The following ZNF805 variants were observed in gnomAD, a reference collection of about 807,000 sequenced individuals.
The protein encoded by ZNF805 is CTC-444N24.8.
ZNF805 carries 7 observed loss-of-function variants against 13.6 expected under a neutral mutation model. The ratio of observed to expected loss-of-function variants is 0.51; its 90% CI spans 0.29 to 0.97. The LOEUF is 0.97. Among genes scored for constraint, ZNF805 ranks in the 50% least tolerant of loss-of-function variants. The probability of loss-of-function intolerance (pLI) is 0.08; values close to 1 mark genes in which losing one functional copy is unlikely to be tolerated. For missense variants in ZNF805, 604 were observed against 771.0 expected, an observed-to-expected ratio of 0.78 and a Z score of 2.57; for synonymous variants, 293 against 279.8, an observed-to-expected ratio of 1.05 and a Z score of -0.47.
chr19:57,253,109 C>A lies in ZNF805; in HGVS notation c.290C>A (p.Thr97Asn). The change falls in exon 4 of 4, where the codon ACC becomes AAC. Residue 97 changes from threonine to asparagine, a missense_variant. Thr to Asn is a moderately conservative substitution (Grantham distance 65). This residue lies in a region of ZNF805 where 327 missense variants were observed against 378.2 expected (regional missense o/e 0.86). Coordinates refer to ENST00000414468, the MANE Select transcript of ZNF805 (RefSeq NM_001023563.4). This position sits in a 1 kb window ranked among gnomAD's most constrained non-coding sequence, Gnocchi z 4.4. ...AAACCCAAGAGCACAGAACCTACCA[C>A]CTGTGAGCTAGCCTTGTCTGAAGGA... ...KGKPKSTEPTTCELALSEGIS... is the reference protein window; with the variant it reads ...KGKPKSTEPTNCELALSEGIS... 6.7e-7 allele frequency: 1 copy of A among 1,497,496 alleles called. No individual in the cohort carries two copies. The highest frequency in any genetic ancestry group is 8.9e-7 in the Non-Finnish European group (1 of 1,126,936). 92.8% of individuals were successfully genotyped at this position (1,497,496 alleles called of 1,614,324 possible).
At chr19:57,248,125 G>A (rs546135944) in intron 2 of ZNF805, among the ~76,000 whole-genome samples, 3 of 151,956 alleles carry the variant, frequency 2.0e-5, no homozygotes, top group South Asian at 2.1e-4. Context: ...AGCGGAGATC[G>A]CGCCACTGCA....
In ZNF805 at chr19:57,253,793, G is replaced by C; in HGVS notation, c.974G>C (p.Arg325Pro). 6.2e-7 allele frequency: 1 copy of C among 1,614,002 alleles called. No individual in the cohort carries two copies. Among genetic ancestry groups the C allele is most frequent in the African/African-American group, 1.3e-5 (1 of 74,966 alleles). The change falls in exon 4 of 4, where the codon CGA (arginine) becomes CCA (proline). Residue 325 changes from arginine to proline, a missense_variant. Arg to Pro is a moderately radical substitution (Grantham distance 103). Coordinates refer to ENST00000414468, the MANE Select transcript of ZNF805 (RefSeq NM_001023563.4). The surrounding 1 kb of genome is among the most constrained non-coding windows in gnomAD (Gnocchi z 4.4). ...FVCKECGKAFRDRPGFIRHYI... is the reference protein window; with the variant it reads ...FVCKECGKAFPDRPGFIRHYI... Reference sequence around the variant, plus strand: ...TGCAAAGAGTGTGGCAAAGCCTTTCGAGATAGGCCAGGTTTCATTCGACAC... The same window carrying C: ...TGCAAAGAGTGTGGCAAAGCCTTTCCAGATAGGCCAGGTTTCATTCGACAC...
chr19:57,249,534 C>A (rs1287874420), intron 3 of ZNF805, among the ~76,000 whole-genome samples: 1 of 152,232 alleles, frequency 6.6e-6, no homozygotes, highest in Non-Finnish European at 1.5e-5. Flanking sequence ...TCAAAATAAG[C>A]TATGAGTGTT....
At chr19:57,252,151 G>A (rs554557705) in intron 3 of ZNF805, among the ~76,000 whole-genome samples, 1 of 152,198 alleles carries the variant, frequency 6.6e-6, no homozygotes, top group Admixed American at 6.5e-5. Context: ...TTCTCCTAAG[G>A]CTATAGTGTC....
intron 2 of ZNF805, 148 bp downstream of exon 2, chr19:57,244,197 T>TC: frequency 1.5e-6 from 1 of 655,214 alleles, no homozygotes; most frequent in Non-Finnish European, 2.2e-6. Flanking sequence ...ACTCACCTCT[T>TC]CCTTTTTTTT....
chr19:57,250,618 G>A (rs1457302838), intron 3 of ZNF805, among the ~76,000 whole-genome samples: 4 of 152,188 alleles, frequency 2.6e-5, no homozygotes, highest in Non-Finnish European at 4.4e-5. Flanking sequence ...TATCTGCTTT[G>A]TGCCTCTGGT....
In ZNF805 at chr19:57,253,208, G is replaced by C; in HGVS notation, c.389G>C (p.Gly130Ala). 1 of 1,561,488 alleles carries C rather than the reference G, an allele frequency of 6.4e-7. No individual in the cohort carries two copies. Among genetic ancestry groups the C allele is most frequent in the African/African-American group, 1.4e-5 (1 of 73,548 alleles). The change falls in exon 4 of 4, where the codon GGG becomes GCG. Residue 130 changes from glycine to alanine, a missense_variant. Transcript: ENST00000414468. This position sits in a 1 kb window ranked among gnomAD's most constrained non-coding sequence, Gnocchi z 4.4. The stretch of plus-strand genomic sequence containing the variant: ...TTGGGGCAACCCAAGGATCAGGATG[G>C]GTTTTCAGAAATGCAGGGAGAACGC... Reference protein sequence around the residue: ...SQLGQPKDQDGFSEMQGERLR... With the variant: ...SQLGQPKDQDAFSEMQGERLR...
At position 57,253,517 on chromosome 19, in the gene ZNF805, GCA is replaced by G. The variant is rs1488295341; in HGVS notation, c.701_702del (p.Thr234ArgfsTer7). On this transcript the variant is annotated frameshift_variant, in exon 4 of 4. Transcript: ENST00000414468. LOFTEE classifies it high-confidence loss of function. This position sits in a 1 kb window ranked among gnomAD's most constrained non-coding sequence, Gnocchi z 4.4. ...CACTCTGGAGTGAAGCCCTATGAAT[GCA>G]CAGAGTGTGGAAAAACCTTTAGCAA... The G allele has an allele frequency of 1.9e-6, 3 of 1,611,340 alleles. No individual in the cohort carries two copies. Among genetic ancestry groups the G allele is most frequent in the Non-Finnish European group, 2.5e-6 (3 of 1,178,602 alleles).
intron 3 of ZNF805, among the ~76,000 whole-genome samples, chr19:57,249,505 A>G (rs2122836661): frequency 6.6e-6 from 1 of 152,372 alleles, no homozygotes; most frequent in South Asian, 2.1e-4. Flanking sequence ...ATAGTTTCTG[A>G]GCCATAGTAA....
intron 2 of ZNF805, among the ~76,000 whole-genome samples, chr19:57,246,826 A>G (rs1568488418): frequency 6.6e-6 from 1 of 151,728 alleles, no homozygotes; most frequent in Middle Eastern, 3.5e-3. Context: ...TCCCCAGAGC[A>G]CTGATTGGGT....
At chr19:57,244,732 C>T (rs186223808) in intron 2 of ZNF805, among the ~76,000 whole-genome samples, 23 of 152,306 alleles carry the variant, frequency 1.5e-4, no homozygotes, top group Non-Finnish European at 2.8e-4. Flanking sequence ...GCTCATGTCA[C>T]TGTCTACTCT....
chr19:57,240,761 G>C lies in ZNF805; in HGVS notation c.-131G>C, dbSNP rs1232784261. ...CTCGGAGCGAACCGTGAGCCTCCCC[G>C]TAACGAGAGAGTTTGACTGTCAGCC... is the stretch of plus-strand genomic sequence containing the variant. On this transcript the variant is annotated 5_prime_UTR_variant, in exon 1 of 4. Transcript: ENST00000414468. 1 of 824,320 alleles carries C rather than the reference G, an allele frequency of 1.2e-6. No homozygotes were observed. Among genetic ancestry groups the C allele is most frequent in the Non-Finnish European group, 1.8e-6 (1 of 544,046 alleles). 51.1% of individuals were successfully genotyped at this position (824,320 alleles called of 1,614,324 possible).
Position 57,253,373 on chromosome 19 carries a change from G to C in ZNF805, c.554G>C (p.Cys185Ser). ...RVSLGDDVHD[C>S]DSHGSGKNPV... ...TCCTTAGGAGATGATGTCCATGACT[G>C]TGACTCACATGGATCAGGTAAAAAT... is the stretch of plus-strand genomic sequence containing the variant. Residue 185 changes from cysteine to serine, a missense_variant, in exon 4 of 4, where the codon TGT becomes TCT. Physicochemically the swap from Cys to Ser is moderately radical, Grantham distance 112. Transcript: ENST00000414468. The surrounding 1 kb of genome is among the most constrained non-coding windows in gnomAD (Gnocchi z 4.4). 6.4e-7 allele frequency: 1 copy of C among 1,562,240 alleles called. No homozygotes were observed. The highest frequency in any genetic ancestry group is 8.7e-7 in the Non-Finnish European group (1 of 1,152,746).
At position 57,240,676 on chromosome 19, in the gene ZNF805, C is replaced by A; in HGVS notation, c.-216C>A. ...CTAGGGAGGGGGCGGTGTTCCGTGG[C>A]CGCCTCCCTGGCGGCGCTGGGGAAA... On this transcript the variant is annotated 5_prime_UTR_variant, in exon 1 of 4. Coordinates refer to ENST00000414468, the MANE Select transcript of ZNF805 (RefSeq NM_001023563.4). 1 of 519,354 alleles carries A rather than the reference C, an allele frequency of 1.9e-6. No homozygotes were observed. Among genetic ancestry groups the A allele is most frequent in the Non-Finnish European group, 3.4e-6 (1 of 292,200 alleles). The allele number at this position is 519,354 out of a possible 1,614,324, so 32.2% of individuals were successfully genotyped here.
chr19:57,259,513 TTTG>T lies in ZNF805; in HGVS notation c.*4813_*4815del, dbSNP rs1269982148. Among the ~76,000 whole-genome samples the T allele has an allele frequency of 6.6e-6, 1 of 152,204 alleles. No homozygotes were observed. Among genetic ancestry groups the T allele is most frequent in the African/African-American group, 2.4e-5 (1 of 41,452 alleles). On this transcript the variant is annotated 3_prime_UTR_variant, in exon 4 of 4. Coordinates refer to ENST00000414468, the MANE Select transcript of ZNF805 (RefSeq NM_001023563.4). ...TTCCATTTGTTTTGTTTTGTTTTGT[TTTG>T]TTTTTTTGAGACAGACTCTTTGCTC...
At chr19:57,249,741 A>G (rs2087640398) in intron 3 of ZNF805, among the ~76,000 whole-genome samples, 3 of 150,658 alleles carry the variant, frequency 2.0e-5, no homozygotes, top group South Asian at 2.1e-4. Context: ...ATGTCTTCCT[A>G]TATCTCCTGT....
intron 1 of ZNF805, 68 bp from the exon 2 acceptor site, chr19:57,243,855 C>T (rs1599985221): frequency 3.1e-6 from 5 of 1,609,568 alleles, no homozygotes; most frequent in Non-Finnish European, 3.4e-6. Context: ...GATCTTGTTG[C>T]ACCTTTTCCA....
In ZNF805 at chr19:57,253,449, AGT is replaced by A. The variant is rs1208404259; in HGVS notation, c.633_634del (p.Phe212Ter). ...TCTTTAAATGCAATGAATGTGAAAA[AGT>A]GTTTAACAAGAAACGCCTGCTTGCT... is the stretch of plus-strand genomic sequence containing the variant. ...NIFKCNECEK[V>X]FNKKRLLARH... On this transcript the variant is annotated frameshift_variant, in exon 4 of 4. Coordinates refer to ENST00000414468, the MANE Select transcript of ZNF805 (RefSeq NM_001023563.4). LOFTEE classifies it low-confidence loss of function (END_TRUNC). This position sits in a 1 kb window ranked among gnomAD's most constrained non-coding sequence, Gnocchi z 4.4. 6.3e-7 allele frequency: 1 copy of A among 1,576,788 alleles called. No individual in the cohort carries two copies. Among genetic ancestry groups the A allele is most frequent in the Non-Finnish European group, 8.6e-7 (1 of 1,160,628 alleles).
At position 57,254,572 on chromosome 19, in the gene ZNF805, A is replaced by T. The variant is rs2087675165; in HGVS notation, c.1753A>T (p.Ile585Phe). ...PFTSGQTSVN[I>F]QELLLGKNFL... is the part of the protein sequence containing the mutation. The stretch of plus-strand genomic sequence containing the variant: ...TACAAGTGGGCAGACCTCAGTCAAC[A>T]TCCAAGAACTTTTATTGGGGAAAAA... The change falls in exon 4 of 4, where the codon ATC becomes TTC. Residue 585 changes from isoleucine to phenylalanine, a missense_variant. Ile to Phe is a conservative substitution (Grantham distance 21). Coordinates refer to ENST00000414468, the MANE Select transcript of ZNF805 (RefSeq NM_001023563.4). 4 of 1,614,210 alleles carry T rather than the reference A, an allele frequency of 2.5e-6. No individual in the cohort carries two copies. Among genetic ancestry groups the T allele is most frequent in the Non-Finnish European group, 2.5e-6 (3 of 1,180,042 alleles).
Sources: allele counts gnomAD v4.1 joint callset (sites outside exome capture counted in the v4.1 genomes callset), GRCh38; gene constraint gnomAD v4.1.1; regional missense constraint gnomAD v4.1.1; non-coding constraint Gnocchi (gnomAD v3.1); transcripts MANE v1.5; gene names NCBI Gene and HGNC (gene_info 2026-07-23, HGNC 2026-07-21).